The following AGTR1 variants were observed in gnomAD, a reference collection of about 807,000 sequenced individuals.
AGTR1 encodes the protein type-1 angiotensin II receptor.
A neutral mutation model predicts 19.4 loss-of-function variants in AGTR1; 16 were observed. The observed-to-expected ratio is 0.82, with a 90% CI of 0.56 to 1.25. AGTR1 has a LOEUF of 1.25. AGTR1 is among the 50% of genes most tolerant of loss of function. The pLI, the probability that AGTR1 is intolerant of heterozygous loss-of-function variation, is 0.00. For missense variants in AGTR1, 373 were observed against 431.9 expected, an observed-to-expected ratio of 0.86 and a Z score of 1.21; for synonymous variants, 153 against 154.9, an observed-to-expected ratio of 0.99 and a Z score of 0.09.
chr3:148,726,377 T>G (rs548357770), intron 2 of AGTR1, among the ~76,000 whole-genome samples: 2 of 152,144 alleles, frequency 1.3e-5, no homozygotes, highest in East Asian at 1.9e-4. Context: ...CCTGGCTAAT[T>G]TTTGTATTTT....
At chr3:148,703,498 G>A (rs1712474276) in intron 1 of AGTR1, among the ~76,000 whole-genome samples, 1 of 152,122 alleles carries the variant, frequency 6.6e-6, no homozygotes, top group African/African-American at 2.4e-5. Context: ...AATATTTATT[G>A]AGTACATAAA....
intron 2 of AGTR1, among the ~76,000 whole-genome samples, chr3:148,736,676 T>C (rs1032925659): frequency 1.3e-5 from 2 of 152,150 alleles, no homozygotes; most frequent in South Asian, 2.1e-4. Context: ...TTGGATGACT[T>C]ACCCAGAGCC....
chr3:148,702,396 C>G (rs1712399928), intron 1 of AGTR1, among the ~76,000 whole-genome samples: 1 of 152,126 alleles, frequency 6.6e-6, no homozygotes, highest in Admixed American at 6.5e-5. Flanking sequence ...AGAATTATGT[C>G]TATAAAATAT....
At chr3:148,739,751 A>G in intron 2 of AGTR1, 1 of 1,225,844 alleles carries the variant, frequency 8.2e-7, no homozygotes, top group Non-Finnish European at 1.0e-6. Flanking sequence ...AAGCACAACC[A>G]TGCTTGGCAT....
chr3:148,711,150 A>G (rs758705148), intron 2 of AGTR1, among the ~76,000 whole-genome samples: 2 of 152,150 alleles, frequency 1.3e-5, no homozygotes, highest in Non-Finnish European at 2.9e-5. Flanking sequence ...TTTTTCATCA[A>G]TATAATGATC....
intron 2 of AGTR1, among the ~76,000 whole-genome samples, chr3:148,724,742 A>G (rs1228691135): frequency 6.6e-6 from 1 of 152,212 alleles, no homozygotes; most frequent in Admixed American, 6.5e-5. Flanking sequence ...GATAAGATAT[A>G]AAGAAACCAT....
At chr3:148,705,666 C>A (rs1162729026) in intron 1 of AGTR1, among the ~76,000 whole-genome samples, 1 of 151,490 alleles carries the variant, frequency 6.6e-6, no homozygotes, top group Non-Finnish European at 1.5e-5. Context: ...TTAACTTAAG[C>A]CATATGATAG....
At chr3:148,713,364 C>A (rs1207300198) in intron 2 of AGTR1, among the ~76,000 whole-genome samples, 1 of 151,776 alleles carries the variant, frequency 6.6e-6, no homozygotes, top group Non-Finnish European at 1.5e-5. Flanking sequence ...GAAAGTAATT[C>A]TGCAATCTTC....
chr3:148,706,885 T>A (rs1386274045), intron 1 of AGTR1, among the ~76,000 whole-genome samples: 1 of 152,048 alleles, frequency 6.6e-6, no homozygotes, highest in East Asian at 1.9e-4. Context: ...ACGGAGGACA[T>A]TTTATGAATA....
chr3:148,726,966 C>A (rs1410318809), intron 2 of AGTR1, among the ~76,000 whole-genome samples: 1 of 152,170 alleles, frequency 6.6e-6, no homozygotes, highest in Middle Eastern at 3.2e-3. Flanking sequence ...CTTTATGATG[C>A]TTTTCTCCTT....
intron 2 of AGTR1, among the ~76,000 whole-genome samples, chr3:148,708,828 C>T (rs12721312): frequency 0.022 from 3,277 of 152,302 alleles, 111 homozygotes; most frequent in African/African-American, 0.075. Flanking sequence ...TTCTCCTAGT[C>T]CCCTCCAGGG....
chr3:148,733,112 A>G (rs747832932), intron 2 of AGTR1, among the ~76,000 whole-genome samples: 13 of 152,122 alleles, frequency 8.5e-5, no homozygotes, highest in Non-Finnish European at 1.6e-4. Flanking sequence ...TGACTGCTTC[A>G]AGGTCACCCA....
chr3:148,727,459 A>C (rs1213313611), intron 2 of AGTR1, among the ~76,000 whole-genome samples: 1 of 152,186 alleles, frequency 6.6e-6, no homozygotes, highest in Non-Finnish European at 1.5e-5. Flanking sequence ...ACAAGAGGGC[A>C]GGGTTTGACT....
intron 2 of AGTR1, among the ~76,000 whole-genome samples, chr3:148,723,895 C>T (rs1428035128): frequency 1.3e-5 from 2 of 152,120 alleles, no homozygotes; most frequent in Non-Finnish European, 2.9e-5. Flanking sequence ...CTAGTTAAAA[C>T]ATTGGAATGA....
chr3:148,710,285 C>T (rs1712908238), intron 2 of AGTR1, among the ~76,000 whole-genome samples: 1 of 152,054 alleles, frequency 6.6e-6, no homozygotes, highest in Admixed American at 6.6e-5. Context: ...CTCTCACAGA[C>T]CATTTTTTGT....
intron 2 of AGTR1, among the ~76,000 whole-genome samples, chr3:148,726,976 T>C (rs1368485703): frequency 6.6e-6 from 1 of 152,190 alleles, no homozygotes; most frequent in African/African-American, 2.4e-5. Context: ...CTTTTCTCCT[T>C]GAACTAGCCT....
chr3:148,739,083 G>A (rs1714729550), intron 2 of AGTR1, among the ~76,000 whole-genome samples: 1 of 152,212 alleles, frequency 6.6e-6, no homozygotes, highest in Admixed American at 6.5e-5. Flanking sequence ...TCAAGGCCGG[G>A]TGCGGTGGCT....
chr3:148,728,265 T>C (rs1413804319), intron 2 of AGTR1, among the ~76,000 whole-genome samples: 1 of 152,208 alleles, frequency 6.6e-6, no homozygotes, highest in African/African-American at 2.4e-5. Flanking sequence ...CATAGGTCTC[T>C]TGTAGAAATG....
chr3:148,726,397 C>T (rs952401216), intron 2 of AGTR1, among the ~76,000 whole-genome samples: 3 of 151,958 alleles, frequency 2.0e-5, no homozygotes, highest in African/African-American at 7.2e-5. Context: ...TTAGTAGAGA[C>T]GGGGTTTCAC....
Sources: gnomAD v4.1 joint callset for allele counts (sites outside exome capture counted in the v4.1 genomes callset) on GRCh38, gnomAD v4.1.1 for gene constraint, MANE v1.5 for transcripts, NCBI Gene and HGNC (gene_info 2026-07-23, HGNC 2026-07-21) for gene names.